The following EIF2B3 variants were observed in gnomAD, a reference collection of about 807,000 sequenced individuals.
The protein encoded by EIF2B3 is eukaryotic translation initiation factor 2B subunit gamma, also known as translation initiation factor eIF2B subunit gamma.
A neutral mutation model predicts 54.1 loss-of-function variants in EIF2B3; 20 were observed. That is an observed-to-expected ratio of 0.37 (90% confidence interval 0.26 to 0.54). The LOEUF (loss-of-function observed/expected upper bound fraction) is 0.54. EIF2B3 is among the 20% of genes least tolerant of loss of function. The pLI, the probability that EIF2B3 is intolerant of heterozygous loss-of-function variation, is 0.86. For synonymous variants in EIF2B3, 153 were observed against 188.1 expected, an observed-to-expected ratio of 0.81 and a Z score of 1.52; for missense variants, 448 against 547.8, an observed-to-expected ratio of 0.82 and a Z score of 1.82.
At chr1:44,966,438 C>CAAA (rs60200568) in intron 3 of EIF2B3, among the ~76,000 whole-genome samples, 1,827 of 85,636 alleles carry the variant, frequency 0.021, 45 homozygotes, top group African/African-American at 0.055. Context: ...GACTCTGTCT[C>CAAA]AAAAAAAAAA....
chr1:44,897,737 C>CTT (rs36113373), intron 5 of EIF2B3, among the ~76,000 whole-genome samples: 2,760 of 134,438 alleles, frequency 0.021, 98 homozygotes, highest in African/African-American at 0.059. Context: ...TGATCGTTAA[C>CTT]TTTTTTTTTT....
chr1:44,938,035 G>C (rs1053642167), intron 4 of EIF2B3, among the ~76,000 whole-genome samples: 1 of 151,206 alleles, frequency 6.6e-6, no homozygotes, highest in African/African-American at 2.4e-5. Flanking sequence ...GGGGAAGAAA[G>C]GTGGCTCCAG....
chr1:44,984,822 C>CG (rs1358332408), intron 1 of EIF2B3, among the ~76,000 whole-genome samples: 3 of 25,062 alleles, frequency 1.2e-4, no homozygotes, highest in Non-Finnish European at 1.8e-4. Context: ...TTTTTTGAGA[C>CG]GGAGTCTCGC....
chr1:44,875,526 A>T (rs1385438807), intron 9 of EIF2B3, 92 bp downstream of exon 9: 3 of 1,198,612 alleles, frequency 2.5e-6, no homozygotes, highest in Non-Finnish European at 3.7e-6. Flanking sequence ...GATGAGGTTC[A>T]GGACTTAAAG....
At chr1:44,916,302 GC>G (rs1468084240) in intron 5 of EIF2B3, among the ~76,000 whole-genome samples, 4 of 151,958 alleles carry the variant, frequency 2.6e-5, no homozygotes, top group Admixed American at 2.6e-4. Context: ...GCTCTCTGCA[GC>G]CTCTGCCTCC....
chr1:44,960,434 T>C (rs1644272233), intron 3 of EIF2B3, among the ~76,000 whole-genome samples: 1 of 152,002 alleles, frequency 6.6e-6, no homozygotes, highest in South Asian at 2.1e-4. Context: ...GGTCAGGAGA[T>C]CGAGACCATC....
chr1:44,920,077 C>T (rs1643709333), intron 5 of EIF2B3, among the ~76,000 whole-genome samples: 1 of 148,720 alleles, frequency 6.7e-6, no homozygotes, highest in Non-Finnish European at 1.5e-5. Flanking sequence ...CTCTGTCGTT[C>T]AGGCTGGAGT....
At chr1:44,885,891 C>G (rs746968969) in intron 6 of EIF2B3, among the ~76,000 whole-genome samples, 2 of 145,278 alleles carry the variant, frequency 1.4e-5, no homozygotes, top group African/African-American at 5.3e-5. Context: ...CCTGACACCA[C>G]GCTTGGCTAA....
chr1:44,883,341 G>A (rs990128724), intron 6 of EIF2B3, among the ~76,000 whole-genome samples: 2 of 151,936 alleles, frequency 1.3e-5, no homozygotes, highest in African/African-American at 4.8e-5. Context: ...TTACAAGAGG[G>A]GCCTGAATTC....
intron 4 of EIF2B3, among the ~76,000 whole-genome samples, chr1:44,936,536 A>G (rs1271523217): frequency 6.6e-6 from 1 of 152,100 alleles, no homozygotes. Context: ...GGTTGCAGTG[A>G]GCCAAGATCG....
intron 5 of EIF2B3, among the ~76,000 whole-genome samples, chr1:44,910,029 T>C (rs1643482297): frequency 1.3e-5 from 2 of 152,168 alleles, no homozygotes; most frequent in South Asian, 4.1e-4. Context: ...TTTAAAGATA[T>C]CCTTTAGGAG....
intron 3 of EIF2B3, among the ~76,000 whole-genome samples, chr1:44,966,781 A>G (rs757168209): frequency 1.3e-5 from 2 of 152,176 alleles, no homozygotes; most frequent in Non-Finnish European, 2.9e-5. Context: ...ATGAAAGCAC[A>G]TATAAGAAAG....
At chr1:44,950,787 C>T (rs531718263) in intron 3 of EIF2B3, among the ~76,000 whole-genome samples, 108 of 152,264 alleles carry the variant, frequency 7.1e-4, no homozygotes, top group African/African-American at 2.3e-3. Flanking sequence ...CTCTGGGGTT[C>T]AAGCGATTCT....
intron 4 of EIF2B3, among the ~76,000 whole-genome samples, chr1:44,934,883 T>G (rs1643930977): frequency 6.6e-6 from 1 of 152,216 alleles, no homozygotes; most frequent in Non-Finnish European, 1.5e-5. Context: ...AACAGGTTTT[T>G]TTTTGGTAGT....
In EIF2B3 at chr1:44,983,123, G is replaced by A. The variant is rs1398325151; in HGVS notation, c.-9-1946C>T. Among the ~76,000 whole-genome samples, 5 of 151,966 alleles carry A rather than the reference G, an allele frequency of 3.3e-5. No homozygotes were observed. The East Asian group carries it at 9.7e-4, about 30-fold the overall frequency. On this transcript the variant is annotated intron_variant, in intron 1 of 11. Coordinates refer to ENST00000360403, the MANE Select transcript of EIF2B3 (RefSeq NM_020365.5). ...TATAGAGATGGGGTTTCACTATGCT[G>A]CCCAGGCTGGTCTCAAACTCCTGGC...
chr1:44,968,970 T>C (rs550669688), intron 3 of EIF2B3, among the ~76,000 whole-genome samples: 40 of 152,206 alleles, frequency 2.6e-4, no homozygotes, highest in African/African-American at 9.4e-4. Context: ...TCCAAATAAA[T>C]TGGCTTTGAA....
chr1:44,910,172 A>G (rs933940930), intron 5 of EIF2B3, among the ~76,000 whole-genome samples: 6 of 152,206 alleles, frequency 3.9e-5, no homozygotes, highest in African/African-American at 7.2e-5. Context: ...TTACTTATGA[A>G]CTATTAAAAA....
Position 44,941,509 on chromosome 1 carries a change from CT to C in EIF2B3, c.450del (p.Ala151GlnfsTer57), listed in dbSNP as rs748937918. On this transcript the variant is annotated frameshift_variant, in exon 4 of 12. Coordinates refer to ENST00000360403, the MANE Select transcript of EIF2B3 (RefSeq NM_020365.5). LOFTEE classifies it high-confidence loss of function. ...EPVPGQKGKK[K>X]AVEQRDFIGV... ...AACAAACTCCAATCTTCCTTACCTG[CT>C]TTTTTTTTCCCCTTTTGACCGGGAA... 99 of 1,590,572 alleles carry C rather than the reference CT, an allele frequency of 6.2e-5. No homozygotes were observed. Among genetic ancestry groups the C allele is most frequent in the Admixed American group, 2.1e-4 (12 of 57,098 alleles).
intron 6 of EIF2B3, among the ~76,000 whole-genome samples, chr1:44,886,107 T>C (rs531182432): frequency 2.0e-5 from 3 of 151,506 alleles, no homozygotes; most frequent in Non-Finnish European, 4.4e-5. Context: ...AAATTTTTGT[T>C]TTTTTAGATA....
Sources: gnomAD v4.1 joint callset for allele counts (sites outside exome capture counted in the v4.1 genomes callset) on GRCh38, gnomAD v4.1.1 for gene constraint, MANE v1.5 for transcripts, NCBI Gene and HGNC (gene_info 2026-07-23, HGNC 2026-07-21) for gene names.